INTS15: variants seen among roughly 807,000 people sequenced by gnomAD.
INTS15 encodes uncharacterized protein C7orf26.
the INTS15 span, among the ~76,000 whole-genome samples, chr7:6,592,179 A>G: frequency 6.6e-6 from 1 of 151,570 alleles, no homozygotes; most frequent in African/African-American, 2.4e-5. Context: ...TCAAAAAAAA[A>G]AGAGTCTCCC....
chr7:6,604,683 G>A, the INTS15 span, among the ~76,000 whole-genome samples: 1 of 152,200 alleles, frequency 6.6e-6, no homozygotes. Context: ...CTCGCAGGCT[G>A]AGACAGAAAC....
the INTS15 span, chr7:6,602,087 C>T: frequency 1.2e-6 from 2 of 1,611,756 alleles, no homozygotes; most frequent in Non-Finnish European, 1.7e-6. Flanking sequence ...AATCTTGTAT[C>T]TCCTTAATTG....
the INTS15 span, chr7:6,602,122 C>T: frequency 6.2e-7 from 1 of 1,613,282 alleles, no homozygotes; most frequent in Non-Finnish European, 8.5e-7. Context: ...ACCTTGTGCT[C>T]CAGGCTGCCC....
chr7:6,606,407 C>T, the INTS15 span, among the ~76,000 whole-genome samples: 1 of 152,108 alleles, frequency 6.6e-6, no homozygotes, highest in Non-Finnish European at 1.5e-5. Context: ...AGGGCCGTGG[C>T]TGGGAAAACG....
At chr7:6,598,814 TCTCA>T in the INTS15 span, among the ~76,000 whole-genome samples, 2 of 142,362 alleles carry the variant, frequency 1.4e-5, 1 homozygote, top group Non-Finnish European at 3.0e-5. Flanking sequence ...TGAGGCAGGA[TCTCA>T]CTCTGTTGCT....
At chr7:6,598,244 C>T in the INTS15 span, among the ~76,000 whole-genome samples, 3 of 152,114 alleles carry the variant, frequency 2.0e-5, no homozygotes, top group Non-Finnish European at 2.9e-5. Context: ...CCGAGGTGGG[C>T]GGATCACCTG....
At chr7:6,602,004 C>T in the INTS15 span, 434,975 of 1,102,666 alleles carry the variant, frequency 0.39, 93,415 homozygotes, top group Non-Finnish European at 0.46. Flanking sequence ...ATGAGGCGCT[C>T]TTGCTGTCTT....
the INTS15 span, among the ~76,000 whole-genome samples, chr7:6,601,193 A>C: frequency 6.6e-6 from 1 of 151,840 alleles, no homozygotes; most frequent in Non-Finnish European, 1.5e-5. Flanking sequence ...CTGGTTTCAA[A>C]CTCTTGGGCT....
chr7:6,608,423 T>G, the INTS15 span: 1 of 1,358,940 alleles, frequency 7.4e-7, no homozygotes, highest in Non-Finnish European at 9.5e-7. Flanking sequence ...CCTGGGAGCC[T>G]CTGTTCTCTG....
the INTS15 span, among the ~76,000 whole-genome samples, chr7:6,593,477 C>A: frequency 6.6e-6 from 1 of 150,712 alleles, no homozygotes; most frequent in African/African-American, 2.4e-5. Flanking sequence ...ACTACAGGCG[C>A]CCACCATCAG....
chr7:6,590,275 G>A, the INTS15 span: 2 of 1,518,050 alleles, frequency 1.3e-6, no homozygotes, highest in Non-Finnish European at 1.8e-6. Context: ...GGGCCGCGGC[G>A]GCCGCACCAT....
the INTS15 span, among the ~76,000 whole-genome samples, chr7:6,595,073 C>T: frequency 6.6e-6 from 1 of 152,074 alleles, no homozygotes; most frequent in Non-Finnish European, 1.5e-5. Flanking sequence ...ACTCTGTCAC[C>T]CTGGCTGGAG....
the INTS15 span, among the ~76,000 whole-genome samples, chr7:6,595,758 T>G: frequency 6.6e-6 from 1 of 152,130 alleles, no homozygotes; most frequent in Non-Finnish European, 1.5e-5. Flanking sequence ...CATAGGTCAC[T>G]GTAGCCTCAA....
the INTS15 span, among the ~76,000 whole-genome samples, chr7:6,604,752 G>A: frequency 1.2e-4 from 19 of 152,206 alleles, no homozygotes; most frequent in African/African-American, 4.1e-4. Flanking sequence ...CAGAGGAACC[G>A]CATCCTTGTG....
At chr7:6,602,162 A>AG in the INTS15 span, 3 of 1,605,918 alleles carry the variant, frequency 1.9e-6, no homozygotes, top group Non-Finnish European at 2.5e-6. Context: ...CAGGACTCCT[A>AG]GCTGGGCCAG....
chr7:6,590,937 C>G, the INTS15 span, among the ~76,000 whole-genome samples: 1 of 151,514 alleles, frequency 6.6e-6, no homozygotes, highest in African/African-American at 2.4e-5. Context: ...CTCCTGGGCT[C>G]AAGTAATCCT....
At chr7:6,606,413 A>T in the INTS15 span, among the ~76,000 whole-genome samples, 260 of 152,264 alleles carry the variant, frequency 1.7e-3, no homozygotes, top group Middle Eastern at 3.4e-3. Context: ...GTGGCTGGGA[A>T]AACGGGTTGT....
chr7:6,604,737 GC>G, the INTS15 span, among the ~76,000 whole-genome samples: 6 of 152,222 alleles, frequency 3.9e-5, no homozygotes, highest in Non-Finnish European at 7.3e-5. Context: ...CTGGTCCACA[GC>G]CTGCAGAGGA....
chr7:6,608,504 G>C, the INTS15 span: 7 of 1,185,444 alleles, frequency 5.9e-6, no homozygotes, highest in Non-Finnish European at 7.4e-6. Context: ...CCGTGTGTCT[G>C]GCCTCTTTCC....
Sources: allele counts gnomAD v4.1 joint callset (sites outside exome capture counted in the v4.1 genomes callset), GRCh38; gene constraint gnomAD v4.1.1; transcripts MANE v1.5; gene names NCBI Gene and HGNC (gene_info 2026-07-23, HGNC 2026-07-21).